The following CIMAP1C variants were observed in gnomAD, a reference collection of about 807,000 sequenced individuals.
CIMAP1C encodes ciliary microtubule associated protein 1C.
the CIMAP1C span, among the ~76,000 whole-genome samples, chr15:75,725,709 G>C: frequency 6.6e-6 from 1 of 152,184 alleles, no homozygotes; most frequent in Non-Finnish European, 1.5e-5. Context: ...GCCTTTCCCT[G>C]GGGAGAATAC....
the CIMAP1C span, chr15:75,726,018 C>G: frequency 2.8e-6 from 4 of 1,437,852 alleles, no homozygotes; most frequent in Non-Finnish European, 3.9e-6. Context: ...GTGGGGCAGC[C>G]TTTGGGGCTG....
At chr15:75,725,115 G>A in the CIMAP1C span, 3 of 1,613,482 alleles carry the variant, frequency 1.9e-6, no homozygotes, top group Non-Finnish European at 2.5e-6. Flanking sequence ...CAGGTCCGGG[G>A]CCCGCCAAGT....
chr15:75,727,424 C>T, the CIMAP1C span: 1 of 1,614,022 alleles, frequency 6.2e-7, no homozygotes, highest in Admixed American at 1.7e-5. Context: ...ACGGCCTGGC[C>T]CCGGCTCCCA....
At chr15:75,724,290 A>AC in the CIMAP1C span, 1 of 1,613,604 alleles carries the variant, frequency 6.2e-7, no homozygotes, top group African/African-American at 1.3e-5. Flanking sequence ...GGTCAAGCAG[A>AC]CCCCTGTCAT....
At chr15:75,724,131 A>C in the CIMAP1C span, 1 of 1,001,686 alleles carries the variant, frequency 1.0e-6, no homozygotes, top group Non-Finnish European at 1.6e-6. Context: ...TCAGGCAGGG[A>C]TACTCTAGCC....
the CIMAP1C span, chr15:75,726,212 T>TGGTG: frequency 2.0e-6 from 1 of 495,126 alleles, no homozygotes; most frequent in Non-Finnish European, 3.7e-6. Context: ...GTTGGGAGGT[T>TGGTG]GGGGGGTGGG....
chr15:75,726,218 G>A, the CIMAP1C span: 11 of 1,191,456 alleles, frequency 9.2e-6, no homozygotes, highest in African/African-American at 1.1e-4. Flanking sequence ...AGGTTGGGGG[G>A]TGGGGTGCAC....
At chr15:75,725,287 G>A in the CIMAP1C span, 1 of 1,194,076 alleles carries the variant, frequency 8.4e-7, no homozygotes, top group East Asian at 2.3e-5. Context: ...GGAGAGACAT[G>A]GAGCCATTCT....
chr15:75,726,447 G>A, the CIMAP1C span, among the ~76,000 whole-genome samples: 1 of 152,172 alleles, frequency 6.6e-6, no homozygotes, highest in Admixed American at 6.5e-5. Context: ...AGACTGTAGT[G>A]ATCTCAGAAT....
the CIMAP1C span, chr15:75,725,332 C>T: frequency 3.7e-6 from 3 of 816,630 alleles, no homozygotes; most frequent in Admixed American, 2.1e-5. Context: ...ACTCAAGGGG[C>T]CCCCTGGGTC....
chr15:75,724,375 C>T, the CIMAP1C span: 1 of 1,184,484 alleles, frequency 8.4e-7, no homozygotes, highest in Non-Finnish European at 1.3e-6. Context: ...GGACTCCTTC[C>T]AGCCTGCCTC....
At chr15:75,726,061 T>C in the CIMAP1C span, 1 of 1,611,346 alleles carries the variant, frequency 6.2e-7, no homozygotes, top group African/African-American at 1.3e-5. Context: ...CCTGCAGGGA[T>C]GGTGTGCCAC....
chr15:75,726,212 T>C, the CIMAP1C span: 1 of 495,128 alleles, frequency 2.0e-6, no homozygotes, highest in Non-Finnish European at 3.7e-6. Context: ...GTTGGGAGGT[T>C]GGGGGGTGGG....
the CIMAP1C span, chr15:75,725,282 G>A: frequency 8.2e-7 from 1 of 1,223,834 alleles, no homozygotes; most frequent in Non-Finnish European, 1.2e-6. Context: ...TGAGGGGAGA[G>A]ACATGGAGCC....
At chr15:75,726,855 C>T in the CIMAP1C span, among the ~76,000 whole-genome samples, 1 of 152,132 alleles carries the variant, frequency 6.6e-6, no homozygotes, top group African/African-American at 2.4e-5. Context: ...ATCTTGTGAT[C>T]TGCCTGCCTT....
At chr15:75,724,636 A>T in the CIMAP1C span, among the ~76,000 whole-genome samples, 1 of 152,210 alleles carries the variant, frequency 6.6e-6, no homozygotes, top group South Asian at 2.1e-4. Context: ...GTAATGACTG[A>T]CTAGTGCTCT....
chr15:75,724,105 G>C, the CIMAP1C span: 4 of 770,108 alleles, frequency 5.2e-6, no homozygotes, highest in Non-Finnish European at 6.8e-6. Context: ...TGTCTGGGGT[G>C]GGGGATGGGG....
chr15:75,726,171 C>T, the CIMAP1C span: 142 of 1,506,266 alleles, frequency 9.4e-5, 3 homozygotes, highest in South Asian at 1.4e-3. Flanking sequence ...CTCCAACCTG[C>T]GTAAGATGGG....
At chr15:75,727,121 C>T in the CIMAP1C span, 2,149 of 1,613,986 alleles carry the variant, frequency 1.3e-3, 20 homozygotes, top group African/African-American at 0.023. Flanking sequence ...ACCGGGGGAA[C>T]GCAGGGCTCC....
Sources: gnomAD v4.1 joint callset for allele counts (sites outside exome capture counted in the v4.1 genomes callset) on GRCh38, gnomAD v4.1.1 for gene constraint, MANE v1.5 for transcripts, NCBI Gene and HGNC (gene_info 2026-07-23, HGNC 2026-07-21) for gene names.